Variants in PLCB1 observed in about 807,000 individuals in gnomAD.
PLCB1 encodes the protein 1-phosphatidylinositol 4,5-bisphosphate phosphodiesterase beta-1.
Under a neutral mutation model 161.8 loss-of-function variants are expected in PLCB1, and 46 were observed. That is an observed-to-expected ratio of 0.28 (90% CI 0.22 to 0.36). The LOEUF is 0.36. Among genes scored for constraint, PLCB1 ranks in the 10% least tolerant of loss-of-function variants. The pLI, the probability that PLCB1 is intolerant of heterozygous loss-of-function variation, is 1.00. For missense variants in PLCB1, 1,016 were observed against 1,472.5 expected (o/e 0.69, Z 5.07); for synonymous variants, 517 against 503.7 (o/e 1.03, Z -0.35).
At chr20:8,403,024 G>C (rs1978633323) in intron 3 of PLCB1, among the ~76,000 whole-genome samples, 2 of 151,542 alleles carry the variant, frequency 1.3e-5, no homozygotes, top group Admixed American at 6.6e-5. Flanking sequence ...TTTGCAGTTG[G>C]GCAAAAATTA....
At chr20:8,279,586 G>A (rs1232685608) in intron 2 of PLCB1, among the ~76,000 whole-genome samples, 1 of 152,088 alleles carries the variant, frequency 6.6e-6, no homozygotes, top group African/African-American at 2.4e-5. Context: ...TGCTTAAAAT[G>A]GTTAAAACTG....
At chr20:8,421,041 A>T (rs957379559) in intron 3 of PLCB1, among the ~76,000 whole-genome samples, 2 of 152,214 alleles carry the variant, frequency 1.3e-5, no homozygotes, top group Non-Finnish European at 2.9e-5. Flanking sequence ...TGAGGGAAGG[A>T]TGTAACTGAG....
Position 8,484,996 on chromosome 20 carries a change from A to G in PLCB1, c.246+113546A>G, listed in dbSNP as rs1021606609. Among the ~76,000 whole-genome samples the G allele has an allele frequency of 2.0e-5, 3 of 152,212 alleles. No individual in the cohort carries two copies. The South Asian group carries it at 6.2e-4, about 32-fold the overall frequency. On this transcript the variant is annotated intron_variant, in intron 3 of 31. Coordinates refer to ENST00000338037, the MANE Select transcript of PLCB1 (RefSeq NM_015192.4). ...AAGCTTTCTAGAACTCAAAATGAAG[A>G]GAGAGAAATTAGAAAGGCAGATGCT... is the stretch of plus-strand genomic sequence containing the variant.
chr20:8,302,473 T>C lies in PLCB1; in HGVS notation c.178-68909T>C, dbSNP rs114049475. On this transcript the variant is annotated intron_variant, in intron 2 of 31. Coordinates refer to ENST00000338037, the MANE Select transcript of PLCB1 (RefSeq NM_015192.4). The stretch of plus-strand genomic sequence containing the variant: ...ATGAGTCCAATTTAAACAGGCTCGA[T>C]TGCGTCAAAATTAGACTTTTAATTA... 6.3e-3 allele frequency among the ~76,000 whole-genome samples: 953 copies of C among 152,294 alleles called. 13 individuals carry two copies. The highest frequency in any genetic ancestry group is 0.021 in the African/African-American group (858 of 41,566).
intron 2 of PLCB1, among the ~76,000 whole-genome samples, chr20:8,280,335 CAAA>C (rs771888171): frequency 3.8e-5 from 3 of 79,090 alleles, no homozygotes; most frequent in Non-Finnish European, 2.7e-5. Flanking sequence ...AACTCTGTCT[CAAA>C]AAAAAAAAAA....
At chr20:8,566,863 T>C (rs1020233330) in intron 3 of PLCB1, among the ~76,000 whole-genome samples, 1 of 151,628 alleles carries the variant, frequency 6.6e-6, no homozygotes, top group Non-Finnish European at 1.5e-5. Context: ...CAACAGAAGA[T>C]GATTTATTCT....
intron 12 of PLCB1, among the ~76,000 whole-genome samples, chr20:8,710,283 C>T (rs1274903307): frequency 2.6e-5 from 4 of 151,934 alleles, no homozygotes; most frequent in African/African-American, 4.8e-5. Context: ...TTTAAACAAC[C>T]AGATCTCATG....
chr20:8,501,102 C>A (rs1983385942), intron 3 of PLCB1, among the ~76,000 whole-genome samples: 1 of 152,180 alleles, frequency 6.6e-6, no homozygotes, highest in Non-Finnish European at 1.5e-5. Context: ...ATGCTGCCAG[C>A]TACACAAGAG....
At chr20:8,588,719 G>T (rs1987061775) in intron 3 of PLCB1, among the ~76,000 whole-genome samples, 1 of 152,108 alleles carries the variant, frequency 6.6e-6, no homozygotes, top group Non-Finnish European at 1.5e-5. Flanking sequence ...CTTGATTTTT[G>T]ACTTCCAGCC....
chr20:8,528,075 G>T (rs1984654041), intron 3 of PLCB1, among the ~76,000 whole-genome samples: 1 of 152,036 alleles, frequency 6.6e-6, no homozygotes. Context: ...CCAAAATTAT[G>T]CAGTCATCAA....
chr20:8,734,735 C>A (rs1002470974), intron 19 of PLCB1, among the ~76,000 whole-genome samples: 13 of 152,100 alleles, frequency 8.5e-5, no homozygotes, highest in African/African-American at 3.1e-4. Flanking sequence ...GATTCTTCAT[C>A]GTTAAAGCTT....
At chr20:8,325,894 A>G (rs1985133421) in intron 2 of PLCB1, among the ~76,000 whole-genome samples, 1 of 152,220 alleles carries the variant, frequency 6.6e-6, no homozygotes, top group African/African-American at 2.4e-5. Context: ...TAAAAGCTCC[A>G]GAGGACAACA....
At chr20:8,879,041 T>C (rs4813880) in intron 31 of PLCB1, among the ~76,000 whole-genome samples, 57,062 of 151,970 alleles carry the variant, frequency 0.38, 11,048 homozygotes, top group South Asian at 0.58. Context: ...CTCCCACTTA[T>C]AAGTGAGACT....
chr20:8,232,195 C>T (rs550245710), intron 2 of PLCB1, among the ~76,000 whole-genome samples: 10 of 151,336 alleles, frequency 6.6e-5, no homozygotes, highest in African/African-American at 2.2e-4. Flanking sequence ...TCCAGCCTGT[C>T]CAACATAGCA....
At chr20:8,297,591 AG>A (rs903850486) in intron 2 of PLCB1, among the ~76,000 whole-genome samples, 1 of 152,166 alleles carries the variant, frequency 6.6e-6, no homozygotes, top group African/African-American at 2.4e-5. Flanking sequence ...ATAACCACTG[AG>A]GGGTGGCTGA....
intron 31 of PLCB1, among the ~76,000 whole-genome samples, chr20:8,805,049 C>G (rs1385255455): frequency 6.9e-6 from 1 of 145,448 alleles, no homozygotes; most frequent in Non-Finnish European, 1.5e-5. Context: ...AGGTATAAAG[C>G]TGTCATGTGT....
intron 3 of PLCB1, among the ~76,000 whole-genome samples, chr20:8,532,942 C>T (rs546962303): frequency 9.2e-5 from 14 of 151,744 alleles, no homozygotes; most frequent in Non-Finnish European, 1.6e-4. Flanking sequence ...ATACATGTGC[C>T]ATGCTGGTGT....
At chr20:8,870,375 G>T (rs1987570400) in intron 31 of PLCB1, among the ~76,000 whole-genome samples, 1 of 152,104 alleles carries the variant, frequency 6.6e-6, no homozygotes, top group South Asian at 2.1e-4. Flanking sequence ...CTTTTTTCAG[G>T]TTCCTACAGT....
At chr20:8,471,304 C>A (rs6039170) in intron 3 of PLCB1, among the ~76,000 whole-genome samples, 29,177 of 152,080 alleles carry the variant, frequency 0.19, 3,752 homozygotes, top group African/African-American at 0.37. Context: ...GTGTTCAAAG[C>A]AAGGACTGTA....
Sources: allele counts gnomAD v4.1 joint callset (sites outside exome capture counted in the v4.1 genomes callset), GRCh38; gene constraint gnomAD v4.1.1; transcripts MANE v1.5; gene names NCBI Gene and HGNC (gene_info 2026-07-23, HGNC 2026-07-21).